Variants in L2HGDH observed in about 807,000 individuals in gnomAD.
L2HGDH encodes L-2-hydroxyglutarate dehydrogenase.
Under a neutral mutation model 51.5 loss-of-function variants are expected in L2HGDH, and 34 were observed. The ratio of observed to expected loss-of-function variants is 0.66; its 90% CI spans 0.50 to 0.88. L2HGDH has a LOEUF of 0.88. L2HGDH is among the 40% of genes least tolerant of loss of function. The pLI, the probability that L2HGDH is intolerant of heterozygous loss-of-function variation, is 0.00. For synonymous variants in L2HGDH, 198 were observed against 197.9 expected, an observed-to-expected ratio of 1.00 and a Z score of -0.01; for missense variants, 558 against 571.9, an observed-to-expected ratio of 0.98 and a Z score of 0.25.
intron 9 of L2HGDH, among the ~76,000 whole-genome samples, chr14:50,250,553 C>T (rs1888286209): frequency 6.6e-6 from 1 of 152,180 alleles, no homozygotes; most frequent in South Asian, 2.1e-4. Flanking sequence ...ACGCCTGGGG[C>T]CTGAGGAAGC....
Position 50,243,121 on chromosome 14 carries a change from T to C in L2HGDH, c.*3937A>G, listed in dbSNP as rs945318581. 5.1e-6 allele frequency: 5 copies of C among 985,250 alleles called. No individual in the cohort carries two copies. The highest frequency in any genetic ancestry group is 6.0e-6 in the Non-Finnish European group (5 of 829,944). The allele number at this position is 985,250 out of a possible 1,614,324, so 61.0% of individuals were successfully genotyped here. A position where few individuals can be genotyped will look rare whatever the true frequency, so the allele number is the denominator to read the frequency against. ...AGGGAAAGTGGAATTCTGCCAACAGTAAAGGCAACTCCCCAAACAGTGCTA... is the reference window on the plus strand; with the variant it reads ...AGGGAAAGTGGAATTCTGCCAACAGCAAAGGCAACTCCCCAAACAGTGCTA... On this transcript the variant is annotated 3_prime_UTR_variant, in exon 10 of 10. Transcript: ENST00000267436.
intron 9 of L2HGDH, among the ~76,000 whole-genome samples, chr14:50,248,196 A>G (rs1426065583): frequency 2.0e-5 from 3 of 152,220 alleles, no homozygotes; most frequent in Non-Finnish European, 1.5e-5. Context: ...ATGAAATTTG[A>G]ATCCAATGTT....
At chr14:50,303,849 A>G (rs2030573195) in intron 1 of L2HGDH, among the ~76,000 whole-genome samples, 1 of 148,162 alleles carries the variant, frequency 6.7e-6, no homozygotes, top group Non-Finnish European at 1.5e-5. Flanking sequence ...TATACGCATC[A>G]CTGGTCAGTA....
chr14:50,269,472 A>G, intron 6 of L2HGDH, 142 bp from the exon 7 acceptor site: 1 of 739,628 alleles, frequency 1.4e-6, no homozygotes, highest in Non-Finnish European at 2.2e-6. Flanking sequence ...GTATCAGCAA[A>G]ATATGTTCTT....
In L2HGDH at chr14:50,265,373, A is replaced by G. The variant is rs1393109311; in HGVS notation, c.1181T>C (p.Ile394Thr). The change falls in exon 9 of 10, where the codon ATC becomes ACC. Residue 394 changes from isoleucine (I) to threonine (T), a missense_variant. Ile to Thr is a moderately conservative substitution (Grantham distance 89, BLOSUM62 -1). Coordinates refer to ENST00000267436, the MANE Select transcript of L2HGDH (RefSeq NM_024884.3). ...TTTTCCTTACCTAAGTATATCACTG[A>G]TAGTAATTTCAGGGATGAATTTTTG... ...YLQKFIPEIT[I>T]SDILRGPAGV... 2.5e-6 allele frequency: 4 copies of G among 1,611,520 alleles called. No homozygotes were observed. Among genetic ancestry groups the G allele is most frequent in the African/African-American group, 1.3e-5 (1 of 75,020 alleles).
chr14:50,302,160 G>C lies in L2HGDH; in HGVS notation c.265C>G (p.Gln89Glu), dbSNP rs750865373. The C allele has an allele frequency of 1.9e-6, 3 of 1,613,978 alleles. No individual in the cohort carries two copies. The highest frequency in any genetic ancestry group is 2.2e-5 in the East Asian group (1 of 44,868). ...ATGACACCACTGTTATGTCCAGTCT[G>C]GTGAACAGCTACAGAACAAGAGAAA... ...LEKEKDLAVH[Q>E]TGHNSGVIHS... Residue 89 changes from glutamine (Q) to glutamate (E), a missense_variant, in exon 3 of 10, where the codon CAG becomes GAG. Coordinates refer to ENST00000267436, the MANE Select transcript of L2HGDH (RefSeq NM_024884.3).
rs1203049786 is a variant in L2HGDH at position 50,244,047 on chromosome 14, G to A, written c.*3011C>T. On this transcript the variant is annotated 3_prime_UTR_variant, in exon 10 of 10. Coordinates refer to ENST00000267436, the MANE Select transcript of L2HGDH (RefSeq NM_024884.3). ...TTATGGCTGCATAGTATTCCATGGT[G>A]TATATGTGCCACATTTTCTTAATCC... 6.6e-6 allele frequency: 1 copy of A among 151,470 alleles called. No homozygotes were observed. The highest frequency in any genetic ancestry group is 1.5e-5 in the Non-Finnish European group (1 of 67,858). The allele number at this position is 151,470 out of a possible 1,614,324, so 9.4% of individuals were successfully genotyped here.
intron 1 of L2HGDH, among the ~76,000 whole-genome samples, chr14:50,304,295 G>A (rs1418186901): frequency 1.3e-5 from 2 of 152,304 alleles, no homozygotes; most frequent in Middle Eastern, 3.4e-3. Context: ...GTTATGCGGT[G>A]CATGACTATA....
intron 6 of L2HGDH, among the ~76,000 whole-genome samples, chr14:50,277,644 C>T (rs936407556): frequency 4.0e-5 from 6 of 151,654 alleles, no homozygotes; most frequent in Non-Finnish European, 7.4e-5. Context: ...GGTGTGGTGG[C>T]GGGCGCCTGT....
intron 9 of L2HGDH, among the ~76,000 whole-genome samples, chr14:50,260,927 C>G (rs1208914753): frequency 6.6e-6 from 1 of 152,066 alleles, no homozygotes. Flanking sequence ...ACCAGCCAGG[C>G]CAACATGGTG....
At chr14:50,263,924 T>C (rs1298049825) in intron 9 of L2HGDH, among the ~76,000 whole-genome samples, 1 of 151,352 alleles carries the variant, frequency 6.6e-6, no homozygotes, top group Admixed American at 6.6e-5. Flanking sequence ...TACAGGCATG[T>C]GCCACCATGC....
Position 50,247,159 on chromosome 14 carries a change from G to A in L2HGDH, c.1291C>T (p.Arg431Cys), listed in dbSNP as rs1255382027. The A allele has an allele frequency of 1.1e-5, 18 of 1,613,958 alleles. No individual in the cohort carries two copies. Among genetic ancestry groups the A allele is most frequent in the Admixed American group, 1.7e-5 (1 of 59,990 alleles). The stretch of plus-strand genomic sequence containing the variant: ...GGTGCATTTCTCACATGAAGAATGC[G>A]ATTTCCAATATCCCCAACTCCTGCA... ...FDAGVGDIGNRILHVRNAPSP... is the reference protein window; with the variant it reads ...FDAGVGDIGNCILHVRNAPSP... The change falls in exon 10 of 10, where the codon CGC (arginine) becomes TGC (cysteine). Residue 431 changes from arginine to cysteine, a missense_variant. Transcript: ENST00000267436.
intron 1 of L2HGDH, among the ~76,000 whole-genome samples, chr14:50,305,676 T>C (rs1157713111): frequency 6.6e-6 from 1 of 152,226 alleles, no homozygotes; most frequent in Admixed American, 6.5e-5. Flanking sequence ...AAGGTAGGTG[T>C]TCAAAACACT....
chr14:50,287,822 C>G (rs1890648746), intron 4 of L2HGDH, among the ~76,000 whole-genome samples: 2 of 151,166 alleles, frequency 1.3e-5, no homozygotes, highest in African/African-American at 4.9e-5. Context: ...CTCAGCCTCC[C>G]AAGTAGCTGG....
intron 6 of L2HGDH, among the ~76,000 whole-genome samples, chr14:50,274,679 T>C (rs976926398): frequency 3.9e-5 from 6 of 152,208 alleles, no homozygotes; most frequent in African/African-American, 1.4e-4. Context: ...TTCATGTTCA[T>C]TGCAGCATTA....
chr14:50,279,113 A>T (rs910858209), intron 5 of L2HGDH, among the ~76,000 whole-genome samples: 1 of 152,204 alleles, frequency 6.6e-6, no homozygotes, highest in African/African-American at 2.4e-5. Context: ...TTGTATCACA[A>T]ATTTGGTTTA....
At position 50,243,205 on chromosome 14, in the gene L2HGDH, T is replaced by C. The variant is rs1431349905; in HGVS notation, c.*3853A>G. ...ACACATATATGTATGGATAAAAGAG[T>C]TAAGCTACGTAACATGAAACACCAA... On this transcript the variant is annotated 3_prime_UTR_variant, in exon 10 of 10. Coordinates refer to ENST00000267436, the MANE Select transcript of L2HGDH (RefSeq NM_024884.3). 2.0e-6 allele frequency: 2 copies of C among 985,022 alleles called. No homozygotes were observed. The highest frequency in any genetic ancestry group is 2.4e-6 in the Non-Finnish European group (2 of 829,842). 61.0% of individuals were successfully genotyped at this position (985,022 alleles called of 1,614,324 possible).
In L2HGDH at chr14:50,244,838, A is replaced by G; in HGVS notation, c.*2220T>C. Reference sequence around the variant, plus strand: ...ACCCATCCATCATACAGCTTTGGAGAGCTAAGAGGAAAGAAGACATACACA... The same window carrying G: ...ACCCATCCATCATACAGCTTTGGAGGGCTAAGAGGAAAGAAGACATACACA... On this transcript the variant is annotated 3_prime_UTR_variant, in exon 10 of 10. Coordinates refer to ENST00000267436, the MANE Select transcript of L2HGDH (RefSeq NM_024884.3). 1 of 985,476 alleles carries G rather than the reference A, an allele frequency of 1.0e-6. No homozygotes were observed. The highest frequency in any genetic ancestry group is 1.2e-6 in the Non-Finnish European group (1 of 829,948). The allele number at this position is 985,476 out of a possible 1,614,324, so 61.0% of individuals were successfully genotyped here.
Position 50,304,148 on chromosome 14 carries a change from C to T in L2HGDH, c.141-1131G>A, listed in dbSNP as rs138513035. ...GTACAGCAGGTTACTATATTGAATA[C>T]TGCAGGCAACTGTAACACAATGGTA... is the stretch of plus-strand genomic sequence containing the variant. On this transcript the variant is annotated intron_variant, in intron 1 of 9. Coordinates refer to ENST00000267436, the MANE Select transcript of L2HGDH (RefSeq NM_024884.3). Among the ~76,000 whole-genome samples, 386 of 152,342 alleles carry T rather than the reference C, an allele frequency of 2.5e-3. 2 individuals are homozygous for T. The Middle Eastern group carries it at 0.061, about 24-fold the overall frequency.
Sources: gnomAD v4.1 joint callset for allele counts (sites outside exome capture counted in the v4.1 genomes callset) on GRCh38, gnomAD v4.1.1 for gene constraint, MANE v1.5 for transcripts, NCBI Gene and HGNC (gene_info 2026-07-23, HGNC 2026-07-21) for gene names.